HMGCS1: variants seen among roughly 807,000 people sequenced by gnomAD.
HMGCS1 encodes the protein 3-hydroxy-3-methylglutaryl-CoA synthase 1, also known as hydroxymethylglutaryl-CoA synthase, cytoplasmic.
A neutral mutation model predicts 52.3 loss-of-function variants in HMGCS1; 9 were observed. The observed-to-expected ratio is 0.17, with a 90% CI of 0.10 to 0.30. The LOEUF (loss-of-function observed/expected upper bound fraction) is 0.30, where lower values mean the gene tolerates loss of function less well. Among genes scored for constraint, HMGCS1 ranks in the 10% least tolerant of loss-of-function variants. The pLI, the probability that HMGCS1 is intolerant of heterozygous loss-of-function variation, is 1.00. For synonymous variants in HMGCS1, 176 were observed against 214.4 expected (o/e 0.82, Z 1.57); for missense variants, 320 against 620.9 (o/e 0.52, Z 5.15).
chr5:43,300,802 GAAAAAAAAA>G (rs34564699), intron 2 of HMGCS1, among the ~76,000 whole-genome samples: 1 of 120,426 alleles, frequency 8.3e-6, no homozygotes, highest in Non-Finnish European at 1.7e-5. Flanking sequence ...ATAGAGAAAG[GAAAAAAAAA>G]AAAAAAAAAG....
Position 43,298,218 on chromosome 5 carries a change from C to A in HMGCS1, c.449-84G>T. On this transcript the variant is annotated intron_variant, in intron 3 of 10. Coordinates refer to ENST00000325110, the MANE Select transcript of HMGCS1 (RefSeq NM_001098272.3). The surrounding 1 kb of genome is among the most constrained non-coding windows in gnomAD (Gnocchi z 5.6). ...AAACTGAAGTCTGTTATATTTTCCC[C>A]AGAATATGCTTTTCCCTTCTTTGAT... The A allele has an allele frequency of 8.3e-7, 1 of 1,199,732 alleles. No homozygotes were observed. The highest frequency in any genetic ancestry group is 1.5e-5 in the South Asian group (1 of 67,820). 74.3% of individuals were successfully genotyped at this position (1,199,732 alleles called of 1,614,324 possible). A position where few individuals can be genotyped will look rare whatever the true frequency, so the allele number is the denominator to read the frequency against.
chr5:43,297,145 T>A lies in HMGCS1; in HGVS notation c.596A>T (p.Gln199Leu). 1.9e-6 allele frequency: 3 copies of A among 1,612,760 alleles called. No individual in the cohort carries two copies. The highest frequency in any genetic ancestry group is 2.5e-6 in the Non-Finnish European group (3 of 1,179,580). Residue 199 changes from glutamine (Q) to leucine (L), a missense_variant, in exon 5 of 11, where the codon CAA (glutamine) becomes CTA (leucine). Physicochemically the swap from Gln to Leu is moderately radical, Grantham distance 113. This residue lies in a region of HMGCS1 where 85 missense variants were observed against 260.0 expected (regional missense o/e 0.33). Coordinates refer to ENST00000325110, the MANE Select transcript of HMGCS1 (RefSeq NM_001098272.3). The stretch of plus-strand genomic sequence containing the variant: ...AGGCTTGTAAAAATCATAGGCATGT[T>A]GCATATGTGTCCCACGAAGCCCTAT... ...FERGLRGTHM[Q>L]HAYDFYKPDM...
chr5:43,307,916 A>C (rs1226491221), intron 1 of HMGCS1, 92 bp from the exon 2 acceptor site: 1 of 152,266 alleles, frequency 6.6e-6, no homozygotes, highest in African/African-American at 2.4e-5. Flanking sequence ...AGTTAAAATA[A>C]GCAATTCCTT....
intron 2 of HMGCS1, among the ~76,000 whole-genome samples, chr5:43,300,817 AAAAG>A (rs1269744158): frequency 1.3e-5 from 2 of 151,806 alleles, no homozygotes; most frequent in African/African-American, 2.4e-5. Context: ...AAAAAAAAAA[AAAAG>A]AAAAGACTTA....
At position 43,298,589 on chromosome 5, in the gene HMGCS1, G is replaced by A. The variant is rs1255692924; in HGVS notation, c.377C>T (p.Thr126Ile). The change falls in exon 3 of 11, where the codon ACT becomes ATT. Residue 126 changes from threonine to isoleucine, a missense_variant. Transcript: ENST00000325110. The surrounding 1 kb of genome is among the most constrained non-coding windows in gnomAD (Gnocchi z 5.6). ...GNTDIEGIDT[T>I]NACYGGTAAV... is the part of the protein sequence containing the mutation. ...AGCTGTGCCTCCATAGCATGCATTA[G>A]TTGTGTCGATTCCTTCTATATCTGT... 8.1e-6 allele frequency: 13 copies of A among 1,614,140 alleles called. No homozygotes were observed. In the East Asian group the frequency reaches 2.7e-4, roughly 33 times the overall value.
intron 2 of HMGCS1, among the ~76,000 whole-genome samples, chr5:43,306,453 T>C (rs1754580594): frequency 2.0e-5 from 3 of 152,148 alleles, no homozygotes; most frequent in Admixed American, 2.0e-4. Flanking sequence ...AGGCCAACAG[T>C]TTTTTCCAAA....
At chr5:43,308,093 A>T (rs1754667689) in intron 1 of HMGCS1, among the ~76,000 whole-genome samples, 1 of 152,256 alleles carries the variant, frequency 6.6e-6, no homozygotes, top group Non-Finnish European at 1.5e-5. Context: ...GAATAAACAA[A>T]AAAACCTCAA....
rs1203507931 is a variant in HMGCS1 at position 43,288,571 on chromosome 5, TA to T, written c.*2559del. 2 of 151,916 alleles carry T rather than the reference TA, an allele frequency of 1.3e-5. No individual in the cohort carries two copies. The highest frequency in any genetic ancestry group is 1.3e-4 in the Admixed American group (2 of 15,252). The allele number at this position is 151,916 out of a possible 1,614,324, so 9.4% of individuals were successfully genotyped here. A position where few individuals can be genotyped will look rare whatever the true frequency, so the allele number is the denominator to read the frequency against. On this transcript the variant is annotated 3_prime_UTR_variant, in exon 11 of 11. Transcript: ENST00000325110. Reference sequence around the variant, plus strand: ...CCTCAAAGTTACTCATTAGTATCCATAAAAATAAAAACTTAGGACAAAAGGT... The same window carrying T: ...CCTCAAAGTTACTCATTAGTATCCATAAAATAAAAACTTAGGACAAAAGGT...
At chr5:43,292,001 T>G (rs1374228970) in intron 10 of HMGCS1, among the ~76,000 whole-genome samples, 1 of 142,934 alleles carries the variant, frequency 7.0e-6, no homozygotes, top group African/African-American at 2.6e-5. Flanking sequence ...TTTTTTTTTT[T>G]TTTTTTTTTT....
rs1754158825 is a variant in HMGCS1, at chr5:43,298,736, A to G, written c.230T>C (p.Met77Thr). The change falls in exon 3 of 11, where the codon ATG becomes ACG. Residue 77 changes from methionine to threonine, a missense_variant. Met to Thr is a moderately conservative substitution (Grantham distance 81). This residue lies in a region of HMGCS1 where 85 missense variants were observed against 260.0 expected (regional missense o/e 0.33). Coordinates refer to ENST00000325110, the MANE Select transcript of HMGCS1 (RefSeq NM_001098272.3). The surrounding 1 kb of genome is among the most constrained non-coding windows in gnomAD (Gnocchi z 5.6). ...ATCATAGGAAAGGTTATTTCTCTCC[A>G]TAAGATTCTGAACCACAGTCATGCA... The part of the protein sequence containing the change: ...SLCMTVVQNL[M>T]ERNNLSYDCI... The G allele has an allele frequency of 1.2e-6, 2 of 1,614,110 alleles. No individual in the cohort carries two copies. Among genetic ancestry groups the G allele is most frequent in the Admixed American group, 1.7e-5 (1 of 60,006 alleles).
At chr5:43,299,913 C>A (rs1754228234) in intron 2 of HMGCS1, among the ~76,000 whole-genome samples, 1 of 151,988 alleles carries the variant, frequency 6.6e-6, no homozygotes, top group African/African-American at 2.4e-5. Context: ...AGTTTTAATG[C>A]AGGGAAATAG....
At chr5:43,311,301 C>T (rs986248783) in intron 1 of HMGCS1, among the ~76,000 whole-genome samples, 1 of 128,208 alleles carries the variant, frequency 7.8e-6, no homozygotes, top group African/African-American at 3.0e-5. Flanking sequence ...GCTTGGGCGA[C>T]AGAGCGAGAT....
intron 1 of HMGCS1, among the ~76,000 whole-genome samples, chr5:43,312,060 A>G (rs1480391371): frequency 6.6e-6 from 1 of 152,232 alleles, no homozygotes; most frequent in African/African-American, 2.4e-5. Flanking sequence ...TAAAGAACAC[A>G]AGCTGCTTAG....
Position 43,298,144 on chromosome 5 carries a change from ATT to A in HMGCS1, c.449-12_449-11del, listed in dbSNP as rs759681248. 2 of 1,596,972 alleles carry A rather than the reference ATT, an allele frequency of 1.3e-6. No homozygotes were observed. The highest frequency in any genetic ancestry group is 3.6e-5 in the Admixed American group (2 of 55,152). ...ACCAGGGCATACCGTCCTGAAAAAT[ATT>A]TTTTGTTATTTCACAAGAAGGAATT... On this transcript the variant is annotated splice_polypyrimidine_tract_variant and intron_variant, in intron 3 of 10. Transcript: ENST00000325110. This position sits in a 1 kb window ranked among gnomAD's most constrained non-coding sequence, Gnocchi z 5.6.
intron 5 of HMGCS1, 60 bp from the exon 6 acceptor site, chr5:43,295,977 G>T: frequency 2.3e-6 from 3 of 1,292,776 alleles, no homozygotes; most frequent in South Asian, 2.5e-5. Context: ...TTTAAAGTTT[G>T]ACTTTAGAAT....
intron 1 of HMGCS1, among the ~76,000 whole-genome samples, chr5:43,312,103 T>C (rs779642804): frequency 6.6e-6 from 1 of 152,228 alleles, no homozygotes; most frequent in Non-Finnish European, 1.5e-5. Context: ...CTGACACGGA[T>C]AATGTTAACG....
In HMGCS1 at chr5:43,298,226, G is replaced by T. The variant is rs1307671412; in HGVS notation, c.449-92C>A. ...GTCTGTTATATTTTCCCCAGAATAT[G>T]CTTTTCCCTTCTTTGATAAAGAAAG... On this transcript the variant is annotated intron_variant, in intron 3 of 10. Coordinates refer to ENST00000325110, the MANE Select transcript of HMGCS1 (RefSeq NM_001098272.3). This position sits in a 1 kb window ranked among gnomAD's most constrained non-coding sequence, Gnocchi z 5.6. The T allele has an allele frequency of 2.4e-5, 27 of 1,126,504 alleles. No homozygotes were observed. The highest frequency in any genetic ancestry group is 3.2e-5 in the Non-Finnish European group (25 of 790,368). The allele number at this position is 1,126,504 out of a possible 1,614,324, so 69.8% of individuals were successfully genotyped here.
rs901491567 is a variant in HMGCS1, at chr5:43,298,325, C to T, written c.449-191G>A. 1.8e-5 allele frequency: 12 copies of T among 665,000 alleles called. No individual in the cohort carries two copies. The African/African-American group carries it at 1.8e-4, about 10-fold the overall frequency. 41.2% of individuals were successfully genotyped at this position (665,000 alleles called of 1,614,324 possible). A position where few individuals can be genotyped will look rare whatever the true frequency, so the allele number is the denominator to read the frequency against. ...CCATCTGACTAAATTTTGAATAGAC[C>T]ATTTGTCCTACAAGATAAGATAACC... On this transcript the variant is annotated intron_variant, in intron 3 of 10. Transcript: ENST00000325110. This position sits in a 1 kb window ranked among gnomAD's most constrained non-coding sequence, Gnocchi z 5.6.
intron 2 of HMGCS1, among the ~76,000 whole-genome samples, chr5:43,300,802 GAA>G (rs34564699): frequency 0.5 from 60,611 of 120,256 alleles, 13,945 homozygotes; most frequent in Middle Eastern, 0.65. Flanking sequence ...ATAGAGAAAG[GAA>G]AAAAAAAAAA....
Sources: gnomAD v4.1 joint callset for allele counts (sites outside exome capture counted in the v4.1 genomes callset) on GRCh38, gnomAD v4.1.1 for gene constraint, gnomAD v4.1.1 regional missense constraint, Gnocchi (gnomAD v3.1) non-coding constraint, MANE v1.5 for transcripts, NCBI Gene and HGNC (gene_info 2026-07-23, HGNC 2026-07-21) for gene names.